CREBBP: variants seen among roughly 807,000 people sequenced by gnomAD.
CREBBP encodes the protein CREB binding lysine acetyltransferase.
Under a neutral mutation model 265.0 loss-of-function variants are expected in CREBBP, and 19 were observed. That is an observed-to-expected ratio of 0.07 (90% CI 0.05 to 0.11). The LOEUF (loss-of-function observed/expected upper bound fraction) is 0.11. CREBBP is among the 10% of genes least tolerant of loss of function. The pLI, the probability that CREBBP is intolerant of heterozygous loss-of-function variation, is 1.00. For missense variants in CREBBP, 2,525 were observed against 3,219.0 expected (o/e 0.78, Z 5.22); for synonymous variants, 1,457 against 1,223.7 (o/e 1.19, Z -3.98).
In CREBBP at chr16:3,726,401, C is replaced by A; in HGVS notation, c.*1317G>T. ...ACCTGTGAGCCTCGAATGTGTGGGG[C>A]CAACGCTGAGCCGCCCACCTCAGTC... On this transcript the variant is annotated 3_prime_UTR_variant, in exon 31 of 31. Transcript: ENST00000262367. 1 of 233,292 alleles carries A rather than the reference C, an allele frequency of 4.3e-6. No individual in the cohort carries two copies. Among genetic ancestry groups the A allele is most frequent in the Non-Finnish European group, 8.5e-6 (1 of 118,058 alleles). 14.5% of individuals were successfully genotyped at this position (233,292 alleles called of 1,614,324 possible).
intron 1 of CREBBP, among the ~76,000 whole-genome samples, chr16:3,854,938 G>A (rs1162040021): frequency 6.6e-6 from 1 of 152,182 alleles, no homozygotes; most frequent in Non-Finnish European, 1.5e-5. Flanking sequence ...AGTTGCAGAC[G>A]AAATAACACT....
At chr16:3,838,131 G>C (rs549277093) in intron 2 of CREBBP, among the ~76,000 whole-genome samples, 1 of 152,118 alleles carries the variant, frequency 6.6e-6, no homozygotes, top group Non-Finnish European at 1.5e-5. Context: ...TGAGTGTCTG[G>C]TCAGGTGTAC....
intron 2 of CREBBP, among the ~76,000 whole-genome samples, chr16:3,816,505 G>A (rs1322141946): frequency 6.6e-6 from 1 of 152,126 alleles, no homozygotes; most frequent in Non-Finnish European, 1.5e-5. Flanking sequence ...AATACAAAGA[G>A]GCACCTGCAG....
Position 3,810,567 on chromosome 16 carries a change from G to A in CREBBP, c.975+36C>T, listed in dbSNP as rs199525086. The A allele has an allele frequency of 3.0e-5, 49 of 1,609,418 alleles. No individual in the cohort carries two copies. In the East Asian group the frequency reaches 3.1e-4, roughly 10 times the overall value. Reference sequence around the variant, plus strand: ...AAATCCACAGACCACAGCACCCACCGGAGAGCCATAACACTGAGGGCCAAG... The same window carrying A: ...AAATCCACAGACCACAGCACCCACCAGAGAGCCATAACACTGAGGGCCAAG... On this transcript the variant is annotated intron_variant, in intron 3 of 30. Coordinates refer to ENST00000262367, the MANE Select transcript of CREBBP (RefSeq NM_004380.3).
chr16:3,755,171 T>C (rs948270774), intron 19 of CREBBP, among the ~76,000 whole-genome samples: 3 of 152,242 alleles, frequency 2.0e-5, no homozygotes, highest in Non-Finnish European at 4.4e-5. Flanking sequence ...TTCAGAACTT[T>C]CATGCCATCA....
rs2141494780 is a variant in CREBBP, at chr16:3,850,740, C to T, written c.355G>A (p.Gly119Ser). The T allele has an allele frequency of 1.2e-6, 2 of 1,614,086 alleles. No individual in the cohort carries two copies. The highest frequency in any genetic ancestry group is 1.7e-6 in the Non-Finnish European group (2 of 1,180,048). Reference protein sequence around the residue: ...SANMASLSAMGKSPLSQGDSS... With the variant: ...SANMASLSAMSKSPLSQGDSS... ...TCTCCCTGGCTCAGAGGGCTCTTGC[C>T]CATGGCACTGAGGCTGGCCATGTTA... Residue 119 changes from glycine to serine, a missense_variant, in exon 2 of 31, where the codon GGC becomes AGC. Physicochemically the swap from Gly to Ser is moderately conservative, Grantham distance 56. This residue lies in a region of CREBBP where 356 missense variants were observed against 340.4 expected (regional missense o/e 1.05). Coordinates refer to ENST00000262367, the MANE Select transcript of CREBBP (RefSeq NM_004380.3).
At chr16:3,818,362 T>C (rs536511348) in intron 2 of CREBBP, among the ~76,000 whole-genome samples, 5 of 147,012 alleles carry the variant, frequency 3.4e-5, no homozygotes, top group African/African-American at 1.2e-4. Context: ...GGCTGGAGTG[T>C]AGTGGCACCG....
intron 2 of CREBBP, among the ~76,000 whole-genome samples, chr16:3,828,142 G>A (rs559864198): frequency 1.3e-5 from 2 of 152,026 alleles, no homozygotes; most frequent in South Asian, 4.2e-4. Context: ...ACCCAGGCTA[G>A]AGTGCAGTGG....
chr16:3,846,926 T>G (rs1028290689), intron 2 of CREBBP, among the ~76,000 whole-genome samples: 62 of 152,236 alleles, frequency 4.1e-4, no homozygotes, highest in Admixed American at 5.2e-4. Flanking sequence ...TTTATGGTTG[T>G]TTGTCGTTAA....
intron 2 of CREBBP, among the ~76,000 whole-genome samples, chr16:3,849,036 T>C (rs1423367132): frequency 6.6e-6 from 1 of 152,222 alleles, no homozygotes; most frequent in Admixed American, 6.5e-5. Context: ...GTTCTACTCT[T>C]ATTCTCCCTC....
chr16:3,858,437 C>T lies in CREBBP; in HGVS notation c.86-7428G>A, dbSNP rs574298835. ...ACACCTTCTCCTGGAAATAAGAACT[C>T]TTTTATGCTCCTACAGACACAATGC... On this transcript the variant is annotated intron_variant, in intron 1 of 30. Coordinates refer to ENST00000262367, the MANE Select transcript of CREBBP (RefSeq NM_004380.3). Among the ~76,000 whole-genome samples, 5 of 152,284 alleles carry T rather than the reference C, an allele frequency of 3.3e-5. No homozygotes were observed. The South Asian group carries it at 6.2e-4, about 19-fold the overall frequency.
At chr16:3,746,132 C>T (rs1396850177) in intron 21 of CREBBP, among the ~76,000 whole-genome samples, 2 of 152,198 alleles carry the variant, frequency 1.3e-5, no homozygotes, top group African/African-American at 4.8e-5. Flanking sequence ...CACCACAATG[C>T]ATACCTCCGA....
chr16:3,865,116 G>C (rs1255508077), intron 1 of CREBBP, among the ~76,000 whole-genome samples: 1 of 152,170 alleles, frequency 6.6e-6, no homozygotes, highest in African/African-American at 2.4e-5. Context: ...GAATATATGT[G>C]CTGCCTTTCA....
rs770230157 is a variant in CREBBP at position 3,728,063 on chromosome 16, C to T, written c.6984G>A (p.Ser2328=). ...TGGCGATCTGCTGGCCAGGGAGATG[C>T]GAGGCCTGTGGCTGTCCTGAGAGCA... ...QHMLSGQPQA[S]HLPGQQIATS... The change falls in exon 31 of 31, where the codon TCG becomes TCA. Residue 2328 remains serine, a synonymous_variant. Coordinates refer to ENST00000262367, the MANE Select transcript of CREBBP (RefSeq NM_004380.3). The surrounding 1 kb of genome is among the most constrained non-coding windows in gnomAD (Gnocchi z 8.7). The T allele has an allele frequency of 8.1e-6, 13 of 1,613,514 alleles. No homozygotes were observed. In the East Asian group the frequency reaches 8.9e-5, roughly 11 times the overall value.
chr16:3,792,219 G>A (rs1180130166), intron 4 of CREBBP, 125 bp from the exon 5 acceptor site: 1 of 849,414 alleles, frequency 1.2e-6, no homozygotes, highest in Non-Finnish European at 2.0e-6. Flanking sequence ...ACACAGTATA[G>A]GCAGTCCTCA....
In CREBBP at chr16:3,738,615, G is replaced by A. The variant is rs2151334266; in HGVS notation, c.4338C>T (p.Arg1446=). The A allele has an allele frequency of 6.2e-7, 1 of 1,614,024 alleles. No individual in the cohort carries two copies. Among genetic ancestry groups the A allele is most frequent in the Non-Finnish European group, 8.5e-7 (1 of 1,179,892 alleles). Residue 1446 remains arginine (R), a synonymous_variant, in exon 26 of 31, where the codon CGC becomes CGT. Coordinates refer to ENST00000262367, the MANE Select transcript of CREBBP (RefSeq NM_004380.3). Reference sequence around the variant, plus strand: ...TAAGGATCTCATGGTAAACGGCTGTGCGGAGGCAACGTGGCCGGAAGAAAT... The same window carrying A: ...TAAGGATCTCATGGTAAACGGCTGTACGGAGGCAACGTGGCCGGAAGAAAT... ...SIHFFRPRCL[R]TAVYHEILIG...
At chr16:3,766,017 T>A (rs781248269) in intron 16 of CREBBP, among the ~76,000 whole-genome samples, 11 of 152,132 alleles carry the variant, frequency 7.2e-5, no homozygotes, top group Non-Finnish European at 1.3e-4. Context: ...GTAAGACTTG[T>A]TTGAAGAGAC....
rs549281952 is a variant in CREBBP, at chr16:3,725,785, A to G, written c.*1933T>C. The G allele has an allele frequency of 5.6e-5, 13 of 233,182 alleles. No homozygotes were observed. The highest frequency in any genetic ancestry group is 2.9e-4 in the African/African-American group (13 of 45,464). 14.4% of individuals were successfully genotyped at this position (233,182 alleles called of 1,614,324 possible). On this transcript the variant is annotated 3_prime_UTR_variant, in exon 31 of 31. Coordinates refer to ENST00000262367, the MANE Select transcript of CREBBP (RefSeq NM_004380.3). ...TCAGCTATTTAAAACCTATCTGTGAATGTAAGGGCCCAAACGGAAGCTATT... is the reference window on the plus strand; with the variant it reads ...TCAGCTATTTAAAACCTATCTGTGAGTGTAAGGGCCCAAACGGAAGCTATT...
At chr16:3,761,179 C>T (rs566107817) in intron 16 of CREBBP, among the ~76,000 whole-genome samples, 1 of 151,966 alleles carries the variant, frequency 6.6e-6, no homozygotes, top group South Asian at 2.1e-4. Context: ...GTCTCGAACT[C>T]CTGACCTCAG....
Sources: gnomAD v4.1 joint callset for allele counts (sites outside exome capture counted in the v4.1 genomes callset) on GRCh38, gnomAD v4.1.1 for gene constraint, gnomAD v4.1.1 regional missense constraint, Gnocchi (gnomAD v3.1) non-coding constraint, MANE v1.5 for transcripts, NCBI Gene and HGNC (gene_info 2026-07-23, HGNC 2026-07-21) for gene names.